The following TAFA1 variants were observed in gnomAD, a reference collection of about 807,000 sequenced individuals.
TAFA1 encodes the protein TAFA chemokine like family member 1, also known as chemokine-like protein TAFA-1.
In TAFA1, 4 loss-of-function variants were observed where a neutral mutation model predicts 18.5. The ratio of observed to expected loss-of-function variants is 0.22; its 90% CI spans 0.11 to 0.49. The LOEUF is 0.49. TAFA1 is among the 20% of genes least tolerant of loss of function. The pLI is 0.98. For missense variants in TAFA1, 147 were observed against 169.0 expected (o/e 0.87, Z 0.72); for synonymous variants, 56 against 55.2 (o/e 1.01, Z -0.06).
chr3:68,355,199 A>G (rs1297275037), intron 2 of TAFA1, among the ~76,000 whole-genome samples: 1 of 151,822 alleles, frequency 6.6e-6, no homozygotes, highest in Non-Finnish European at 1.5e-5. Flanking sequence ...TCTCTTACTG[A>G]GGGTAAGGGT....
At chr3:68,437,963 C>T (rs2071294930) in intron 3 of TAFA1, among the ~76,000 whole-genome samples, 1 of 152,178 alleles carries the variant, frequency 6.6e-6, no homozygotes, top group East Asian at 1.9e-4. Flanking sequence ...GTGGGAGAGA[C>T]ATAGGGTACA....
intron 2 of TAFA1, among the ~76,000 whole-genome samples, chr3:68,115,414 A>C (rs1307807444): frequency 6.6e-6 from 1 of 152,216 alleles, no homozygotes; most frequent in East Asian, 1.9e-4. Context: ...GGTTGGCCAG[A>C]TAAGCGTTAA....
chr3:68,090,607 T>C (rs1170841371), intron 2 of TAFA1, among the ~76,000 whole-genome samples: 1 of 152,176 alleles, frequency 6.6e-6, no homozygotes, highest in Non-Finnish European at 1.5e-5. Flanking sequence ...ACTCAGCTCA[T>C]CAGTGATTCC....
intron 3 of TAFA1, among the ~76,000 whole-genome samples, chr3:68,458,891 C>G (rs1278212933): frequency 2.6e-5 from 4 of 151,786 alleles, no homozygotes; most frequent in African/African-American, 9.7e-5. Flanking sequence ...CCCTGGGAAA[C>G]AGACTCTAAA....
intron 2 of TAFA1, among the ~76,000 whole-genome samples, chr3:68,092,538 A>G (rs2065041723): frequency 6.6e-6 from 1 of 152,166 alleles, no homozygotes; most frequent in South Asian, 2.1e-4. Context: ...AGAGTTTTAG[A>G]CCAGTGATAA....
intron 2 of TAFA1, among the ~76,000 whole-genome samples, chr3:68,403,075 T>C (rs1045794342): frequency 6.6e-6 from 1 of 152,218 alleles, no homozygotes. Flanking sequence ...CAAGTACTTA[T>C]TATGTTATAG....
chr3:68,181,597 T>A (rs2066201642), intron 2 of TAFA1, among the ~76,000 whole-genome samples: 2 of 152,252 alleles, frequency 1.3e-5, no homozygotes, highest in African/African-American at 4.8e-5. Context: ...ACTGTTTAGA[T>A]TTATCTTTTA....
intron 3 of TAFA1, among the ~76,000 whole-genome samples, chr3:68,521,656 T>G (rs921291385): frequency 6.6e-6 from 1 of 152,154 alleles, no homozygotes; most frequent in Non-Finnish European, 1.5e-5. Flanking sequence ...ATTTGGCATG[T>G]GGTTTATTTA....
At chr3:68,366,636 G>T (rs1246097244) in intron 2 of TAFA1, among the ~76,000 whole-genome samples, 1 of 152,172 alleles carries the variant, frequency 6.6e-6, no homozygotes. Flanking sequence ...CTTCAAAACA[G>T]AGGTTTCAAG....
chr3:68,003,265 C>T (rs2106762422), upstream of TAFA1, among the ~76,000 whole-genome samples: 1 of 152,334 alleles, frequency 6.6e-6, no homozygotes, highest in South Asian at 2.1e-4. Context: ...AACAGAATCA[C>T]TTGCAAAGAT....
intron 2 of TAFA1, among the ~76,000 whole-genome samples, chr3:68,016,917 TTTC>T (rs1379812669): frequency 2.0e-5 from 3 of 152,208 alleles, no homozygotes; most frequent in African/African-American, 7.2e-5. Context: ...TCATACAAAT[TTTC>T]TTCTAAGTAT....
At chr3:68,392,498 G>T (rs965106645) in intron 2 of TAFA1, among the ~76,000 whole-genome samples, 3 of 151,982 alleles carry the variant, frequency 2.0e-5, no homozygotes, top group Non-Finnish European at 2.9e-5. Context: ...ACTCAGCTCT[G>T]GACCAAGCAG....
chr3:68,433,576 T>C (rs1461752004), intron 3 of TAFA1, among the ~76,000 whole-genome samples: 1 of 152,130 alleles, frequency 6.6e-6, no homozygotes, highest in African/African-American at 2.4e-5. Context: ...TGTTCACAGC[T>C]GCATGCCAGT....
chr3:68,092,123 G>A (rs2065036988), intron 2 of TAFA1, among the ~76,000 whole-genome samples: 1 of 152,034 alleles, frequency 6.6e-6, no homozygotes, highest in African/African-American at 2.4e-5. Context: ...AGTCCCAATG[G>A]CATCAGCTCT....
At chr3:68,145,103 CCCCCA>C in intron 2 of TAFA1, 1 of 1,108,230 alleles carries the variant, frequency 9.0e-7, no homozygotes, top group Non-Finnish European at 1.4e-6. Context: ...AATTGCTACA[CCCCCA>C]GTGTATGGTC....
chr3:68,339,269 T>C (rs2069039195), intron 2 of TAFA1, among the ~76,000 whole-genome samples: 1 of 152,242 alleles, frequency 6.6e-6, no homozygotes, highest in East Asian at 1.9e-4. Flanking sequence ...TGAATTTTTC[T>C]ACAAATTAAA....
chr3:68,037,755 A>G (rs1199905236), intron 2 of TAFA1, among the ~76,000 whole-genome samples: 1 of 152,198 alleles, frequency 6.6e-6, no homozygotes, highest in African/African-American at 2.4e-5. Context: ...CAACGTGGAG[A>G]GAGAAGGTCT....
chr3:68,091,502 T>C (rs1186086432), intron 2 of TAFA1, among the ~76,000 whole-genome samples: 2 of 152,130 alleles, frequency 1.3e-5, no homozygotes, highest in African/African-American at 4.8e-5. Flanking sequence ...GCTTTGTTTC[T>C]TGGCACTGAA....
chr3:68,017,445 A>T lies in TAFA1; in HGVS notation c.118+10701A>T, dbSNP rs140289457. Among the ~76,000 whole-genome samples, 327 of 152,296 alleles carry T rather than the reference A, an allele frequency of 2.1e-3. 2 individuals are homozygous for T. Among genetic ancestry groups the T allele is most frequent in the African/African-American group, 7.1e-3 (295 of 41,574 alleles). On this transcript the variant is annotated intron_variant, in intron 2 of 4. Transcript: ENST00000478136. The stretch of plus-strand genomic sequence containing the variant: ...TCAGTCACAGCAGTTGCTCACACAG[A>T]GCCTAGATGTGATTTTAGAATCTTT...
Sources: gnomAD v4.1 joint callset for allele counts (sites outside exome capture counted in the v4.1 genomes callset) on GRCh38, gnomAD v4.1.1 for gene constraint, MANE v1.5 for transcripts, NCBI Gene and HGNC (gene_info 2026-07-23, HGNC 2026-07-21) for gene names.